FOXP2: variants seen among roughly 807,000 people sequenced by gnomAD.
FOXP2 encodes forkhead box protein P2.
Under a neutral mutation model 115.8 loss-of-function variants are expected in FOXP2, and 12 were observed. The ratio of observed to expected loss-of-function variants is 0.10; its 90% CI spans 0.07 to 0.17. The LOEUF (loss-of-function observed/expected upper bound fraction) is 0.17. Ranked by LOEUF, FOXP2 falls within the 10% of genes least tolerant of loss-of-function variation. The pLI is 1.00. For missense variants in FOXP2, 629 were observed against 843.5 expected, an observed-to-expected ratio of 0.75 and a Z score of 3.15; for synonymous variants, 328 against 297.7, an observed-to-expected ratio of 1.10 and a Z score of -1.05.
chr7:114,403,003 A>G (rs1792925508), intron 2 of FOXP2, among the ~76,000 whole-genome samples: 1 of 152,070 alleles, frequency 6.6e-6, no homozygotes, highest in African/African-American at 2.4e-5. Context: ...AGCTACATCT[A>G]TGTTCATAGA....
chr7:114,390,192 A>G (rs920183781), intron 2 of FOXP2, among the ~76,000 whole-genome samples: 71 of 152,166 alleles, frequency 4.7e-4, no homozygotes, highest in Non-Finnish European at 9.7e-4. Context: ...AGTACAGTAT[A>G]TAACTACTGG....
chr7:114,555,168 T>A (rs1420525360), intron 3 of FOXP2, among the ~76,000 whole-genome samples: 1 of 152,236 alleles, frequency 6.6e-6, no homozygotes, highest in Non-Finnish European at 1.5e-5. Context: ...TAGTGCTTAC[T>A]TTGTGTACCT....
rs549244825 is a variant in FOXP2 at position 114,232,161 on chromosome 7, C to T, written c.-101-55858C>T. Among the ~76,000 whole-genome samples the T allele has an allele frequency of 7.0e-4, 106 of 152,158 alleles. 2 individuals carry two copies. The South Asian group carries it at 0.022, about 31-fold the overall frequency. On this transcript the variant is annotated intron_variant, in intron 1 of 17. Coordinates refer to the FOXP2 transcript ENST00000634411. The stretch of plus-strand genomic sequence containing the variant: ...TGCAAGTAAAACTCACAAAGAAATA[C>T]CACCTCACACCTGTTAGGATGGCCA...
intron 1 of FOXP2, 94 bp downstream of exon 1, chr7:114,415,454 C>CTTT: frequency 3.3e-6 from 1 of 305,628 alleles, no homozygotes; most frequent in Non-Finnish European, 6.4e-6. Flanking sequence ...AATTGCTTTA[C>CTTT]TTTTTTTTTT....
At chr7:114,233,240 A>G (rs1794929509) in intron 1 of FOXP2, among the ~76,000 whole-genome samples, 2 of 152,228 alleles carry the variant, frequency 1.3e-5, no homozygotes, top group Admixed American at 6.5e-5. Flanking sequence ...ATATTTTTAC[A>G]TGTACAAAAG....
intron 3 of FOXP2, among the ~76,000 whole-genome samples, chr7:114,605,538 G>A (rs1334895911): frequency 6.6e-6 from 1 of 152,170 alleles, no homozygotes; most frequent in South Asian, 2.1e-4. Context: ...AAAAATTAAA[G>A]TAAGGGGATA....
intron 1 of FOXP2, among the ~76,000 whole-genome samples, chr7:114,225,532 A>C (rs1178941634): frequency 6.6e-6 from 1 of 151,832 alleles, no homozygotes; most frequent in Non-Finnish European, 1.5e-5. Context: ...GCAACCACAG[A>C]CTCCTGCTCT....
In FOXP2 at chr7:114,628,306, T is replaced by C. The variant is rs201715694; in HGVS notation, c.259-234T>C. ...AATTCAAATATCTAAGCATGTTAAA[T>C]AAGAGCTATGGAACATAAAGAGTTT... On this transcript the variant is annotated intron_variant, in intron 3 of 16. Transcript: ENST00000350908. 5.3e-4 allele frequency among the ~76,000 whole-genome samples: 81 copies of C among 152,288 alleles called. No individual in the cohort carries two copies. The East Asian group carries it at 7.3e-3, about 14-fold the overall frequency.
chr7:114,398,439 AT>A (rs572341364), intron 2 of FOXP2, among the ~76,000 whole-genome samples: 9 of 152,322 alleles, frequency 5.9e-5, no homozygotes, highest in African/African-American at 2.2e-4. Context: ...TATACTTAAT[AT>A]TTTATGAAGT....
intron 2 of FOXP2, among the ~76,000 whole-genome samples, chr7:114,463,673 C>T (rs1195048204): frequency 6.6e-6 from 1 of 152,092 alleles, no homozygotes; most frequent in South Asian, 2.1e-4. Flanking sequence ...AAATGCAAAT[C>T]AACATATTTA....
In FOXP2 at chr7:114,689,966, C is replaced by T. The variant is rs778103695; in HGVS notation, c.*40C>T. On this transcript the variant is annotated 3_prime_UTR_variant, in exon 17 of 17. Coordinates refer to ENST00000350908, the MANE Select transcript of FOXP2 (RefSeq NM_014491.4). ...AACCTCAGCGTGAAGGGACATATCA[C>T]TGACCTTCATAACCACTCCACAACC... The T allele has an allele frequency of 1.2e-6, 2 of 1,607,796 alleles. No individual in the cohort carries two copies. The highest frequency in any genetic ancestry group is 1.7e-6 in the Non-Finnish European group (2 of 1,176,168).
At chr7:114,170,752 G>T (rs1057227376) in intron 1 of FOXP2, among the ~76,000 whole-genome samples, 2 of 152,210 alleles carry the variant, frequency 1.3e-5, no homozygotes, top group Admixed American at 6.5e-5. Context: ...AGGTGAGGAA[G>T]ATGCAAGAAA....
At chr7:114,597,405 G>A (rs1802785829) in intron 3 of FOXP2, among the ~76,000 whole-genome samples, 1 of 152,020 alleles carries the variant, frequency 6.6e-6, no homozygotes, top group Non-Finnish European at 1.5e-5. Flanking sequence ...TGAAGGAGAG[G>A]TAATATTCCA....
intron 2 of FOXP2, among the ~76,000 whole-genome samples, chr7:114,329,884 C>A (rs1022491502): frequency 2.0e-5 from 3 of 151,902 alleles, no homozygotes; most frequent in African/African-American, 7.3e-5. Flanking sequence ...ACCATATTGG[C>A]CAGGCTGGTC....
intron 2 of FOXP2, among the ~76,000 whole-genome samples, chr7:114,368,026 C>G (rs1791921304): frequency 1.3e-5 from 2 of 152,148 alleles, no homozygotes; most frequent in Admixed American, 6.5e-5. Flanking sequence ...AAGGCAAATA[C>G]TACTCCAGTT....
chr7:114,650,889 T>G (rs1806210652), intron 8 of FOXP2, among the ~76,000 whole-genome samples: 1 of 152,072 alleles, frequency 6.6e-6, no homozygotes, highest in Non-Finnish European at 1.5e-5. Context: ...TAAAACAAAC[T>G]GGTTTAATTT....
chr7:114,127,880 G>A (rs912651232), intron 1 of FOXP2, among the ~76,000 whole-genome samples: 8 of 151,968 alleles, frequency 5.3e-5, no homozygotes, highest in African/African-American at 1.5e-4. Flanking sequence ...CTAGCTATAC[G>A]TTTGTAGACA....
At chr7:114,455,058 CCTA>C in intron 2 of FOXP2, among the ~76,000 whole-genome samples, 1 of 152,048 alleles carries the variant, frequency 6.6e-6, no homozygotes, top group Non-Finnish European at 1.5e-5. Context: ...TTTCCCTAAT[CCTA>C]CTTTTTTGCC....
intron 1 of FOXP2, among the ~76,000 whole-genome samples, chr7:114,206,435 G>A (rs921309669): frequency 2.0e-5 from 3 of 152,008 alleles, no homozygotes; most frequent in Non-Finnish European, 2.9e-5. Flanking sequence ...CACATCCTGA[G>A]TCCTCAGCCA....
Sources: gnomAD v4.1 joint callset for allele counts (sites outside exome capture counted in the v4.1 genomes callset) on GRCh38, gnomAD v4.1.1 for gene constraint, MANE v1.5 for transcripts, NCBI Gene and HGNC (gene_info 2026-07-23, HGNC 2026-07-21) for gene names.